The following GPC5 variants were observed in gnomAD, a reference collection of about 807,000 sequenced individuals.
GPC5 encodes the protein glypican-5.
GPC5 carries 47 observed loss-of-function variants against 53.9 expected under a neutral mutation model. The ratio of observed to expected loss-of-function variants is 0.87; its 90% CI spans 0.69 to 1.11. GPC5 has a LOEUF of 1.11. Among genes scored for constraint, GPC5 ranks in the 50% most tolerant of loss-of-function variants. The probability of loss-of-function intolerance (pLI) is 0.00; values close to 1 mark genes in which losing one functional copy is unlikely to be tolerated. For synonymous variants in GPC5, 286 were observed against 263.3 expected, an observed-to-expected ratio of 1.09 and a Z score of -0.84; for missense variants, 748 against 713.1, an observed-to-expected ratio of 1.05 and a Z score of -0.56.
chr13:91,545,696 TC>T (rs34103268), intron 2 of GPC5, among the ~76,000 whole-genome samples: 2 of 152,048 alleles, frequency 1.3e-5, no homozygotes, highest in Non-Finnish European at 2.9e-5. Context: ...AATAGTAACT[TC>T]CCATTTCCTC....
At chr13:92,478,893 C>T (rs147137868) in intron 7 of GPC5, among the ~76,000 whole-genome samples, 22 of 152,210 alleles carry the variant, frequency 1.4e-4, no homozygotes, top group Non-Finnish European at 2.4e-4. Context: ...TTTTGTCCTA[C>T]GAAAGAGTAG....
intron 6 of GPC5, among the ~76,000 whole-genome samples, chr13:92,116,268 AAC>A (rs1485013164): frequency 6.3e-4 from 7 of 11,072 alleles, no homozygotes; most frequent in African/African-American, 7.6e-4. Context: ...CAAACAAACA[AAC>A]AAAAAAAAAA....
At chr13:91,832,738 G>T (rs2038676837) in intron 5 of GPC5, among the ~76,000 whole-genome samples, 1 of 151,960 alleles carries the variant, frequency 6.6e-6, no homozygotes, top group Admixed American at 6.6e-5. Context: ...GACACATTTG[G>T]AGCAGTGTTT....
At chr13:92,673,804 C>A (rs566825548) in intron 7 of GPC5, among the ~76,000 whole-genome samples, 136 of 152,158 alleles carry the variant, frequency 8.9e-4, no homozygotes, top group African/African-American at 3.0e-3. Flanking sequence ...GAACAGAAAT[C>A]TTAGAAAATG....
intron 7 of GPC5, among the ~76,000 whole-genome samples, chr13:92,328,348 A>G (rs1297416441): frequency 1.3e-5 from 2 of 152,156 alleles, no homozygotes; most frequent in African/African-American, 4.8e-5. Flanking sequence ...AAGGGAGAAA[A>G]ATGCAAACAA....
At chr13:91,825,246 T>C (rs2038558848) in intron 5 of GPC5, among the ~76,000 whole-genome samples, 1 of 152,082 alleles carries the variant, frequency 6.6e-6, no homozygotes, top group Non-Finnish European at 1.5e-5. Flanking sequence ...TGTACCTAAC[T>C]TTTTGAACTT....
chr13:91,952,155 A>G (rs2139061254), intron 6 of GPC5, among the ~76,000 whole-genome samples: 1 of 149,352 alleles, frequency 6.7e-6, no homozygotes, highest in East Asian at 2.0e-4. Context: ...TCATGTTACC[A>G]TTTTGGGTGA....
intron 2 of GPC5, among the ~76,000 whole-genome samples, chr13:91,679,601 A>G (rs1331427092): frequency 6.6e-6 from 1 of 152,204 alleles, no homozygotes; most frequent in African/African-American, 2.4e-5. Context: ...TTATAGTACA[A>G]AAGCAATGGT....
chr13:91,570,764 T>G (rs1418659248), intron 2 of GPC5, among the ~76,000 whole-genome samples: 1 of 152,192 alleles, frequency 6.6e-6, no homozygotes, highest in Non-Finnish European at 1.5e-5. Context: ...TCCAAACTCA[T>G]CAACCAAAAT....
At chr13:92,288,692 A>G (rs907542684) in intron 7 of GPC5, among the ~76,000 whole-genome samples, 2 of 152,168 alleles carry the variant, frequency 1.3e-5, no homozygotes, top group Non-Finnish European at 2.9e-5. Flanking sequence ...GTGATTATTG[A>G]TGCTTCCTAC....
rs143197274 is a variant in GPC5, at chr13:91,482,375, C to A, written c.325+33453C>A. On this transcript the variant is annotated intron_variant, in intron 2 of 7. Coordinates refer to ENST00000377067, the MANE Select transcript of GPC5 (RefSeq NM_004466.6). ...AGTGCCTTGATCATGGACTTCCCAG[C>A]CTCTAGTACTGTGAGGAATACATTT... is the stretch of plus-strand genomic sequence containing the variant. Among the ~76,000 whole-genome samples the A allele has an allele frequency of 6.6e-5, 10 of 152,248 alleles. 1 individual carries two copies. In the East Asian group the frequency reaches 1.9e-3, roughly 29 times the overall value.
chr13:91,818,147 T>C (rs1272012407), intron 5 of GPC5, among the ~76,000 whole-genome samples: 3 of 152,208 alleles, frequency 2.0e-5, no homozygotes, highest in East Asian at 3.8e-4. Context: ...ATATATGACA[T>C]GTATAAGTTG....
rs941592135 is a variant in GPC5 at position 91,570,842 on chromosome 13, A to G, written c.325+121920A>G. On this transcript the variant is annotated intron_variant, in intron 2 of 7. Coordinates refer to ENST00000377067, the MANE Select transcript of GPC5 (RefSeq NM_004466.6). ...CCCATTGATGGGATGCATACACTTT[A>G]TAAACTTGGGACTCAGAATTTTGGG... Among the ~76,000 whole-genome samples the G allele has an allele frequency of 5.9e-5, 9 of 152,306 alleles. No homozygotes were observed. In the South Asian group the frequency reaches 8.3e-4, roughly 14 times the overall value.
At chr13:91,929,846 A>G (rs1213773715) in intron 6 of GPC5, among the ~76,000 whole-genome samples, 2 of 151,940 alleles carry the variant, frequency 1.3e-5, no homozygotes, top group Non-Finnish European at 2.9e-5. Flanking sequence ...GAAACATTTC[A>G]TGATTGTTAC....
At chr13:92,847,775 GA>G (rs1878660837) in intron 7 of GPC5, among the ~76,000 whole-genome samples, 1 of 152,032 alleles carries the variant, frequency 6.6e-6, no homozygotes, top group Non-Finnish European at 1.5e-5. Context: ...TGTTCTATAG[GA>G]TTTTTTTATT....
At chr13:91,889,962 A>G (rs1452863013) in intron 5 of GPC5, among the ~76,000 whole-genome samples, 1 of 152,190 alleles carries the variant, frequency 6.6e-6, no homozygotes, top group African/African-American at 2.4e-5. Flanking sequence ...CTCTAATAGA[A>G]CACTGGATTG....
intron 1 of GPC5, among the ~76,000 whole-genome samples, chr13:91,406,439 A>G (rs1877329590): frequency 6.6e-6 from 1 of 152,168 alleles, no homozygotes; most frequent in Non-Finnish European, 1.5e-5. Flanking sequence ...CATTAGCCCA[A>G]AGCCAAATGG....
Position 91,455,942 on chromosome 13 carries a change from T to C in GPC5, c.325+7020T>C, listed in dbSNP as rs188418615. 6.8e-4 allele frequency among the ~76,000 whole-genome samples: 104 copies of C among 152,256 alleles called. No homozygotes were observed. The Middle Eastern group carries it at 0.024, about 35-fold the overall frequency. On this transcript the variant is annotated intron_variant, in intron 2 of 7. Transcript: ENST00000377067. Reference sequence around the variant, plus strand: ...AAGTCTAAAGACCACATACTTTCAATAATTTCAAATTGAATGTTGATTTCT... The same window carrying C: ...AAGTCTAAAGACCACATACTTTCAACAATTTCAAATTGAATGTTGATTTCT...
chr13:91,690,083 T>C (rs569360295), intron 2 of GPC5, among the ~76,000 whole-genome samples: 20 of 152,336 alleles, frequency 1.3e-4, no homozygotes, highest in Non-Finnish European at 2.6e-4. Flanking sequence ...CACTAAATTA[T>C]AGGAATTTTT....
Sources: allele counts gnomAD v4.1 joint callset (sites outside exome capture counted in the v4.1 genomes callset), GRCh38; gene constraint gnomAD v4.1.1; transcripts MANE v1.5; gene names NCBI Gene and HGNC (gene_info 2026-07-23, HGNC 2026-07-21).